CWF19L2: variants seen among roughly 807,000 people sequenced by gnomAD.
CWF19L2 encodes CWF19-like protein 2.
CWF19L2 carries 98 observed loss-of-function variants against 111.7 expected under a neutral mutation model. The ratio of observed to expected loss-of-function variants is 0.88; its 90% CI spans 0.75 to 1.04. CWF19L2 has a LOEUF of 1.04. Among genes scored for constraint, CWF19L2 ranks in the 50% least tolerant of loss-of-function variants. The probability of loss-of-function intolerance (pLI) is 0.00; values close to 1 mark genes in which losing one functional copy is unlikely to be tolerated. For missense variants in CWF19L2, 1,101 were observed against 1,051.4 expected (o/e 1.05, Z -0.65); for synonymous variants, 351 against 342.9 (o/e 1.02, Z -0.26).
chr11:107,434,834 G>A (rs1032158232), intron 6 of CWF19L2, among the ~76,000 whole-genome samples: 4 of 152,022 alleles, frequency 2.6e-5, no homozygotes, highest in Non-Finnish European at 4.4e-5. Flanking sequence ...GTGACTAGAA[G>A]GGTCACAAAG....
chr11:107,348,866 G>A, intron 14 of CWF19L2, 71 bp downstream of exon 14: 1 of 793,596 alleles, frequency 1.3e-6, no homozygotes, highest in Middle Eastern at 2.4e-4. Context: ...ATACCTATTG[G>A]AATTTATCAC....
intron 12 of CWF19L2, among the ~76,000 whole-genome samples, chr11:107,381,446 T>C (rs1860684985): frequency 6.6e-6 from 1 of 152,192 alleles, no homozygotes; most frequent in East Asian, 1.9e-4. Context: ...ATTTATCTTA[T>C]TCGGTTCTAC....
intron 10 of CWF19L2, among the ~76,000 whole-genome samples, chr11:107,398,787 G>C (rs1460230698): frequency 6.6e-6 from 1 of 152,192 alleles, no homozygotes; most frequent in Non-Finnish European, 1.5e-5. Context: ...TGAGACAGAA[G>C]CACCAGGTAA....
chr11:107,384,569 A>G (rs1444252685), intron 12 of CWF19L2, among the ~76,000 whole-genome samples: 5 of 152,194 alleles, frequency 3.3e-5, no homozygotes, highest in South Asian at 2.1e-4. Context: ...ATACATTTGC[A>G]TTGAAGATTT....
intron 12 of CWF19L2, among the ~76,000 whole-genome samples, chr11:107,388,388 A>AT (rs199514683): frequency 0.038 from 5,665 of 147,554 alleles, 139 homozygotes; most frequent in East Asian, 0.1. Context: ...TGGCTATACA[A>AT]TTTTTTTTTT....
At position 107,441,581 on chromosome 11, in the gene CWF19L2, A is replaced by C; in HGVS notation, c.492T>G (p.Thr164=). ...WMTVDFMSVK[T]VSSSSLKAEK... ...CAGCTTTGAGTGATGATGATGACACAGTTTTAACAGACATAAAATCAACAG... is the reference window on the plus strand; with the variant it reads ...CAGCTTTGAGTGATGATGATGACACCGTTTTAACAGACATAAAATCAACAG... The change falls in exon 5 of 18, where the codon ACT becomes ACG. Residue 164 remains threonine (T), a synonymous_variant. Coordinates refer to ENST00000282251, the MANE Select transcript of CWF19L2 (RefSeq NM_152434.3). 1.3e-6 allele frequency: 2 copies of C among 1,546,428 alleles called. No homozygotes were observed. Among genetic ancestry groups the C allele is most frequent in the Non-Finnish European group, 1.7e-6 (2 of 1,145,514 alleles).
At chr11:107,330,056 T>A (rs371128253) in intron 16 of CWF19L2, 37 bp from the exon 17 acceptor site, 1 of 1,324,602 alleles carries the variant, frequency 7.5e-7, no homozygotes, top group Non-Finnish European at 1.0e-6. Context: ...GAATACAGTA[T>A]GAAACCAGAA....
chr11:107,391,920 C>T (rs996172037), intron 11 of CWF19L2, among the ~76,000 whole-genome samples: 2 of 152,176 alleles, frequency 1.3e-5, no homozygotes, highest in Non-Finnish European at 2.9e-5. Context: ...TACTCCTATA[C>T]CTAGATTGCT....
In CWF19L2 at chr11:107,353,716, T is replaced by A; in HGVS notation, c.1893A>T (p.Gly631=). ...MASKFMGKTD[G]DYYTLDDMFV... is the part of the protein sequence containing the mutation. ...ACATGTCATCCAGGGTGTAATAGTC[T>A]CCATCTGTTTTTCCCATAAACTGAA... Residue 631 remains glycine (G), a synonymous_variant, in exon 13 of 18, where the codon GGA becomes GGT. Coordinates refer to ENST00000282251, the MANE Select transcript of CWF19L2 (RefSeq NM_152434.3). 2 of 1,613,720 alleles carry A rather than the reference T, an allele frequency of 1.2e-6. No homozygotes were observed. Among genetic ancestry groups the A allele is most frequent in the Non-Finnish European group, 1.7e-6 (2 of 1,179,730 alleles).
chr11:107,398,293 G>A (rs77111264), intron 10 of CWF19L2, among the ~76,000 whole-genome samples: 2,009 of 152,142 alleles, frequency 0.013, 39 homozygotes, highest in African/African-American at 0.045. Flanking sequence ...GATACAAGAC[G>A]TGAAGGAAAA....
chr11:107,359,013 T>A (rs757991399), intron 12 of CWF19L2, among the ~76,000 whole-genome samples: 1 of 152,170 alleles, frequency 6.6e-6, no homozygotes, highest in South Asian at 2.1e-4. Context: ...ACAGTACTTA[T>A]GTCATTAGCT....
chr11:107,359,661 C>T (rs1165699428), intron 12 of CWF19L2, among the ~76,000 whole-genome samples: 7 of 152,058 alleles, frequency 4.6e-5, no homozygotes, highest in African/African-American at 1.7e-4. Flanking sequence ...ACCTGTAATC[C>T]CAGCACTTTG....
intron 12 of CWF19L2, among the ~76,000 whole-genome samples, chr11:107,356,148 C>T (rs1382201164): frequency 6.6e-6 from 1 of 151,834 alleles, no homozygotes; most frequent in Non-Finnish European, 1.5e-5. Context: ...GAATCAACAA[C>T]AACAACAAAA....
chr11:107,403,980 C>T (rs750581046), intron 10 of CWF19L2: 43 of 858,150 alleles, frequency 5.0e-5, no homozygotes, highest in African/African-American at 4.5e-4. Context: ...ACTGACCGAA[C>T]GTCTGGCACC....
In CWF19L2 at chr11:107,454,534, A is replaced by G. The variant is rs957979523; in HGVS notation, c.255T>C (p.His85=). The G allele has an allele frequency of 5.5e-6, 8 of 1,456,296 alleles. No individual in the cohort carries two copies. In the Admixed American group the frequency reaches 1.4e-4, roughly 26 times the overall value. 90.2% of individuals were successfully genotyped at this position (1,456,296 alleles called of 1,614,324 possible). The change falls in exon 3 of 18, where the codon CAT becomes CAC. Residue 85 remains histidine (H), a synonymous_variant. Transcript: ENST00000282251. ...SVKKKKKKDK[H]SKKAKKEKKK... is the part of the protein sequence containing the mutation. ...TCTTTTCTTTCTTTGCTTTTTTTGA[A>G]TGCTTGTCTTTTTTCTTCTTTTTCT...
At chr11:107,389,822 T>C (rs935605253) in intron 12 of CWF19L2, among the ~76,000 whole-genome samples, 6 of 152,224 alleles carry the variant, frequency 3.9e-5, no homozygotes, top group Non-Finnish European at 8.8e-5. Context: ...AGGAAATGTA[T>C]AATTAAAATC....
intron 10 of CWF19L2, among the ~76,000 whole-genome samples, chr11:107,398,583 G>A (rs1162509631): frequency 6.6e-6 from 1 of 152,128 alleles, no homozygotes; most frequent in African/African-American, 2.4e-5. Context: ...AGGAAGAAGA[G>A]AATTCTAAAA....
chr11:107,442,763 GAA>G (rs1861639389), intron 4 of CWF19L2, among the ~76,000 whole-genome samples, 174 bp downstream of exon 4: 7 of 37,564 alleles, frequency 1.9e-4, no homozygotes, highest in Non-Finnish European at 2.1e-4. Flanking sequence ...AGGAAGGAAG[GAA>G]GGAAGGAAGG....
intron 10 of CWF19L2, among the ~76,000 whole-genome samples, chr11:107,408,591 T>G (rs887016697): frequency 6.6e-6 from 1 of 152,018 alleles, no homozygotes; most frequent in Admixed American, 6.6e-5. Flanking sequence ...ATAGTAATAC[T>G]CTATTTCAAG....
Sources: gnomAD v4.1 joint callset for allele counts (sites outside exome capture counted in the v4.1 genomes callset) on GRCh38, gnomAD v4.1.1 for gene constraint, MANE v1.5 for transcripts, NCBI Gene and HGNC (gene_info 2026-07-23, HGNC 2026-07-21) for gene names.